The following NALF1 variants were observed in gnomAD, a reference collection of about 807,000 sequenced individuals.
The protein encoded by NALF1 is family with sequence similarity 155 member A.
In NALF1, 3 loss-of-function variants were observed where a neutral mutation model predicts 48.4. That is an observed-to-expected ratio of 0.06 (90% CI 0.03 to 0.16). The LOEUF is 0.16. Ranked by LOEUF, NALF1 falls within the 10% of genes least tolerant of loss-of-function variation. The pLI is 1.00. For synonymous variants in NALF1, 262 were observed against 245.7 expected, an observed-to-expected ratio of 1.07 and a Z score of -0.62; for missense variants, 526 against 571.5, an observed-to-expected ratio of 0.92 and a Z score of 0.81.
chr13:107,818,817 A>C (rs1879260903), intron 1 of NALF1, among the ~76,000 whole-genome samples: 2 of 129,812 alleles, frequency 1.5e-5, no homozygotes, highest in Non-Finnish European at 3.1e-5. Flanking sequence ...GCTTGCAGTG[A>C]GCCGAGATCG....
intron 1 of NALF1, among the ~76,000 whole-genome samples, chr13:107,294,250 C>A (rs1881683805): frequency 6.6e-6 from 1 of 152,094 alleles, no homozygotes; most frequent in Non-Finnish European, 1.5e-5. Context: ...ATCCCAGGCA[C>A]CATTTTTTTG....
At chr13:107,589,175 T>G (rs533016801) in intron 1 of NALF1, among the ~76,000 whole-genome samples, 7 of 152,158 alleles carry the variant, frequency 4.6e-5, no homozygotes, top group Non-Finnish European at 8.8e-5. Context: ...TTGTTTATCT[T>G]GTGTCCTTTC....
In NALF1 at chr13:107,173,489, A is replaced by G. The variant is rs1878847155; in HGVS notation, c.1088-2703T>C. On this transcript the variant is annotated intron_variant, in intron 2 of 2. Coordinates refer to ENST00000375915, the MANE Select transcript of NALF1 (RefSeq NM_001080396.3). ...CTTCTAACTCATTCAACCCAAATGCATTGCCAGTTCTTTCAGCTGCATGAA... is the reference window on the plus strand; with the variant it reads ...CTTCTAACTCATTCAACCCAAATGCGTTGCCAGTTCTTTCAGCTGCATGAA... Among the ~76,000 whole-genome samples, 4 of 152,064 alleles carry G rather than the reference A, an allele frequency of 2.6e-5. No individual in the cohort carries two copies. In the South Asian group the frequency reaches 8.3e-4, roughly 32 times the overall value.
At chr13:107,393,575 C>T (rs1883661571) in intron 1 of NALF1, among the ~76,000 whole-genome samples, 1 of 152,114 alleles carries the variant, frequency 6.6e-6, no homozygotes, top group Admixed American at 6.6e-5. Context: ...CTCCATGGCT[C>T]AGTGGGCCCG....
At chr13:107,561,502 G>A (rs537440125) in intron 1 of NALF1, among the ~76,000 whole-genome samples, 3 of 152,142 alleles carry the variant, frequency 2.0e-5, no homozygotes, top group Admixed American at 6.5e-5. Context: ...AGGACTCAGC[G>A]TCTGTCTCCT....
chr13:107,361,072 A>G (rs1883052541), intron 1 of NALF1, among the ~76,000 whole-genome samples: 1 of 152,212 alleles, frequency 6.6e-6, no homozygotes, highest in Admixed American at 6.6e-5. Context: ...TTACACATAT[A>G]AAGATTTTAC....
At chr13:107,315,592 CT>C (rs1361335342) in intron 1 of NALF1, among the ~76,000 whole-genome samples, 1 of 151,436 alleles carries the variant, frequency 6.6e-6, no homozygotes, top group Non-Finnish European at 1.5e-5. Context: ...TTGGGTTTTC[CT>C]TTTTTTTGAT....
In NALF1 at chr13:107,538,609, T is replaced by C. The variant is rs181685911; in HGVS notation, c.915+327073A>G. Among the ~76,000 whole-genome samples, 40 of 152,250 alleles carry C rather than the reference T, an allele frequency of 2.6e-4. 1 individual carries two copies. In the East Asian group the frequency reaches 6.0e-3, roughly 23 times the overall value. ...TCAAATCAGACCTCAGTTCAAACAC[T>C]GATTCTTAGTTCTAATCATATGATA... On this transcript the variant is annotated intron_variant, in intron 1 of 2. Coordinates refer to ENST00000375915, the MANE Select transcript of NALF1 (RefSeq NM_001080396.3).
intron 1 of NALF1, among the ~76,000 whole-genome samples, chr13:107,640,820 T>C (rs1880131968): frequency 6.6e-6 from 1 of 152,202 alleles, no homozygotes; most frequent in African/African-American, 2.4e-5. Flanking sequence ...CAACATTCAT[T>C]GTGTTTCTCT....
intron 2 of NALF1, among the ~76,000 whole-genome samples, chr13:107,207,834 G>A (rs759347034): frequency 6.6e-6 from 1 of 152,092 alleles, no homozygotes; most frequent in Non-Finnish European, 1.5e-5. Context: ...TTAATTTTTT[G>A]TAGAGGCAGG....
intron 1 of NALF1, among the ~76,000 whole-genome samples, chr13:107,251,377 C>A (rs1352133492): frequency 6.6e-6 from 1 of 152,162 alleles, no homozygotes; most frequent in African/African-American, 2.4e-5. Context: ...CAGAATTTTA[C>A]AAGATGAAAA....
intron 2 of NALF1, among the ~76,000 whole-genome samples, chr13:107,174,435 A>C (rs1313306667): frequency 6.6e-6 from 1 of 151,660 alleles, no homozygotes; most frequent in African/African-American, 2.4e-5. Flanking sequence ...AGCTCACTGC[A>C]AGCTCTGCCT....
chr13:107,622,916 C>A (rs1879565891), intron 1 of NALF1, among the ~76,000 whole-genome samples: 1 of 152,126 alleles, frequency 6.6e-6, no homozygotes, highest in Non-Finnish European at 1.5e-5. Flanking sequence ...GAAACCATGT[C>A]AATCTGGGAC....
chr13:107,394,777 A>G (rs1157198856), intron 1 of NALF1, among the ~76,000 whole-genome samples: 3 of 152,184 alleles, frequency 2.0e-5, no homozygotes, highest in Admixed American at 6.6e-5. Flanking sequence ...TTGTCAAGAA[A>G]TATATGGATC....
At chr13:107,568,920 T>C (rs182399290) in intron 1 of NALF1, among the ~76,000 whole-genome samples, 2 of 152,332 alleles carry the variant, frequency 1.3e-5, no homozygotes, top group Admixed American at 1.3e-4. Flanking sequence ...CAGAACATTT[T>C]TTAAAATATT....
At chr13:107,574,506 T>C (rs527818391) in intron 1 of NALF1, among the ~76,000 whole-genome samples, 2 of 152,336 alleles carry the variant, frequency 1.3e-5, no homozygotes, top group African/African-American at 2.4e-5. Context: ...AATATGGTCA[T>C]TGAATCTTTA....
chr13:107,292,992 C>CTTTTTCTTTTTTTTT (rs745529749), intron 1 of NALF1, among the ~76,000 whole-genome samples: 109 of 110,592 alleles, frequency 9.9e-4, no homozygotes, highest in East Asian at 2.0e-3. Flanking sequence ...TTTTCTTTTT[C>CTTTTTCTTTTTTTTT]TTTTTTTTTT....
At chr13:107,608,936 G>A (rs192429252) in intron 1 of NALF1, among the ~76,000 whole-genome samples, 4 of 152,310 alleles carry the variant, frequency 2.6e-5, no homozygotes, top group Non-Finnish European at 5.9e-5. Flanking sequence ...GCTGGGCCGG[G>A]CACCAGGGAT....
chr13:107,702,209 C>CATTAGCGA (rs1196032646), intron 1 of NALF1, among the ~76,000 whole-genome samples: 1 of 151,968 alleles, frequency 6.6e-6, no homozygotes, highest in Admixed American at 6.6e-5. Context: ...ATTTGAGTGA[C>CATTAGCGA]ATTAGCGAAT....
Sources: gnomAD v4.1 joint callset for allele counts (sites outside exome capture counted in the v4.1 genomes callset) on GRCh38, gnomAD v4.1.1 for gene constraint, MANE v1.5 for transcripts, NCBI Gene and HGNC (gene_info 2026-07-23, HGNC 2026-07-21) for gene names.